The following FBXL13 variants were observed in gnomAD, a reference collection of about 807,000 sequenced individuals.
The protein encoded by FBXL13 is F-box and leucine rich repeat protein 13, also known as F-box and leucine-rich repeat protein 13.
In FBXL13, 67 loss-of-function variants were observed where a neutral mutation model predicts 83.6. The observed-to-expected ratio is 0.80, with a 90% CI of 0.66 to 0.98. The LOEUF (loss-of-function observed/expected upper bound fraction) is 0.98, where lower values mean the gene tolerates loss of function less well. FBXL13 is among the 50% of genes least tolerant of loss of function. The probability of loss-of-function intolerance (pLI) is 0.00; values close to 1 mark genes in which losing one functional copy is unlikely to be tolerated. For synonymous variants in FBXL13, 272 were observed against 299.5 expected, an observed-to-expected ratio of 0.91 and a Z score of 0.95; for missense variants, 822 against 866.5, an observed-to-expected ratio of 0.95 and a Z score of 0.64.
chr7:102,910,355 G>T (rs1455583496), intron 11 of FBXL13, among the ~76,000 whole-genome samples: 2 of 151,924 alleles, frequency 1.3e-5, no homozygotes, highest in Non-Finnish European at 2.9e-5. Context: ...CTGATTTTTG[G>T]TTCTTATGAA....
intron 9 of FBXL13, 56 bp downstream of exon 10, chr7:102,931,825 C>A: frequency 1.3e-6 from 2 of 1,522,106 alleles, no homozygotes; most frequent in Middle Eastern, 1.7e-4. Context: ...TATTGGCACC[C>A]CAATGTAGCA....
intron 18 of FBXL13, among the ~76,000 whole-genome samples, chr7:102,830,410 A>G (rs1000494154): frequency 9.2e-5 from 14 of 152,194 alleles, no homozygotes; most frequent in Non-Finnish European, 1.6e-4. Flanking sequence ...GAACGCAAGA[A>G]TCTCTGTGAA....
Position 103,012,885 on chromosome 7 carries a change from T to C in FBXL13, c.495+12178A>G, listed in dbSNP as rs138313066. On this transcript the variant is annotated intron_variant, in intron 6 of 19. Transcript: ENST00000313221. ...GAAAGCAAAACCCAATGGTATACTGTCTTAAAGAGACCCATCTCACATGCA... is the reference window on the plus strand; with the variant it reads ...GAAAGCAAAACCCAATGGTATACTGCCTTAAAGAGACCCATCTCACATGCA... Among the ~76,000 whole-genome samples, 731 of 152,298 alleles carry C rather than the reference T, an allele frequency of 4.8e-3. 6 individuals are homozygous for C. Among genetic ancestry groups the C allele is most frequent in the African/African-American group, 0.017 (691 of 41,558 alleles).
At chr7:102,867,845 T>C (rs1807973034) in intron 16 of FBXL13, among the ~76,000 whole-genome samples, 1 of 150,824 alleles carries the variant, frequency 6.6e-6, no homozygotes, top group South Asian at 2.1e-4. Flanking sequence ...GGACTACAGG[T>C]GCCTGCCACC....
intron 6 of FBXL13, among the ~76,000 whole-genome samples, chr7:103,008,701 G>A (rs982564025): frequency 3.3e-5 from 5 of 152,022 alleles, no homozygotes; most frequent in African/African-American, 1.2e-4. Flanking sequence ...GGGACTATAG[G>A]TGCACACCAA....
At position 102,964,404 on chromosome 7, in the gene FBXL13, A is replaced by ATATATATATATATATATTTTTTTTTT. The variant is rs796873670; in HGVS notation, c.592-740_592-739insAAAAAAAAAATATATATATATATATA. 8.7e-4 allele frequency among the ~76,000 whole-genome samples: 124 copies of ATATATATATATATATATTTTTTTTTT among 143,218 alleles called. 2 individuals carry two copies. The highest frequency in any genetic ancestry group is 3.2e-3 in the African/African-American group (122 of 37,770). The allele number at this position is 143,218 out of a possible 152,430, so 94.0% of individuals were successfully genotyped here. Reference sequence around the variant, plus strand: ...CAATTTTGTGACTATATATATATATATTTTTTTTTTTTTTTCCAGACTGAG... The same window carrying ATATATATATATATATATTTTTTTTTT: ...CAATTTTGTGACTATATATATATATATATATATATATATATATTTTTTTTTTTTTTTTTTTTTTTTTCCAGACTGAG... On this transcript the variant is annotated intron_variant, in intron 7 of 19. Coordinates refer to ENST00000313221, the Ensembl canonical transcript of FBXL13.
At chr7:102,995,422 A>C (rs1225046283) in intron 6 of FBXL13, among the ~76,000 whole-genome samples, 2 of 141,752 alleles carry the variant, frequency 1.4e-5, no homozygotes, top group Non-Finnish European at 1.5e-5. Context: ...CGGAGCTTGC[A>C]GTGAGCTGAG....
At chr7:103,007,770 A>G (rs1386727287) in intron 6 of FBXL13, among the ~76,000 whole-genome samples, 1 of 152,004 alleles carries the variant, frequency 6.6e-6, no homozygotes, top group Non-Finnish European at 1.5e-5. Context: ...TACAGTCATT[A>G]GATTGGGCCA....
chr7:102,961,415 G>A (rs1445163270), intron 8 of FBXL13, among the ~76,000 whole-genome samples: 10 of 150,420 alleles, frequency 6.6e-5, no homozygotes, highest in African/African-American at 2.2e-4. Flanking sequence ...ACTGCCCAAG[G>A]TAATTTACAG....
intron 16 of FBXL13, among the ~76,000 whole-genome samples, chr7:102,863,731 T>C (rs1025816077): frequency 6.6e-6 from 1 of 152,148 alleles, no homozygotes; most frequent in Admixed American, 6.5e-5. Flanking sequence ...CTAGTACTAG[T>C]ATTAAACATG....
Position 102,861,969 on chromosome 7 carries a change from G to A in FBXL13, c.1636-7109C>T, listed in dbSNP as rs184797454. 8.2e-3 allele frequency among the ~76,000 whole-genome samples: 1,121 copies of A among 137,208 alleles called. 8 individuals are homozygous for A. The highest frequency in any genetic ancestry group is 0.017 in the South Asian group (72 of 4,144). 90.0% of individuals were successfully genotyped at this position (137,208 alleles called of 152,430 possible). A position where few individuals can be genotyped will look rare whatever the true frequency, so the allele number is the denominator to read the frequency against. On this transcript the variant is annotated intron_variant, in intron 16 of 19. Coordinates refer to ENST00000313221, the Ensembl canonical transcript of FBXL13. ...TGCACTCCAGCCTGGATGACAGAGT[G>A]AGACTGTGTCTCCAAAAAAAAAAAA...
chr7:103,006,984 T>G (rs1791058708), intron 6 of FBXL13, among the ~76,000 whole-genome samples: 1 of 152,100 alleles, frequency 6.6e-6, no homozygotes, highest in Non-Finnish European at 1.5e-5. Flanking sequence ...ATCAGACACT[T>G]GCATTTAAAA....
At chr7:102,886,297 G>A (rs576082448) in intron 11 of FBXL13, among the ~76,000 whole-genome samples, 2 of 152,310 alleles carry the variant, frequency 1.3e-5, no homozygotes, top group African/African-American at 4.8e-5. Context: ...ATCTCCAGAA[G>A]AGTATGACAG....
At chr7:102,942,385 C>A in intron 8 of FBXL13, 4 of 1,459,022 alleles carry the variant, frequency 2.7e-6, no homozygotes, top group South Asian at 1.3e-5. Context: ...CTTTAAAAGA[C>A]GTGAATAACA....
intron 8 of FBXL13, among the ~76,000 whole-genome samples, chr7:102,957,309 T>C (rs1563148425): frequency 6.6e-6 from 1 of 152,152 alleles, no homozygotes; most frequent in Non-Finnish European, 1.5e-5. Flanking sequence ...TAATAAATAA[T>C]GCTGGGAAAA....
At chr7:103,045,019 TG>T (rs1457323922) in intron 2 of FBXL13, among the ~76,000 whole-genome samples, 21 of 152,342 alleles carry the variant, frequency 1.4e-4, no homozygotes, top group Middle Eastern at 3.4e-3. Context: ...AATTGAGCAA[TG>T]AATAATTTGT....
At chr7:102,848,491 G>A (rs1223770915) in intron 17 of FBXL13, among the ~76,000 whole-genome samples, 4 of 52,404 alleles carry the variant, frequency 7.6e-5, no homozygotes, top group African/African-American at 3.5e-4. Flanking sequence ...AAGAGGCGGA[G>A]CTTGCAGTGA....
chr7:102,871,867 C>A (rs907936718), intron 16 of FBXL13, among the ~76,000 whole-genome samples: 2 of 152,122 alleles, frequency 1.3e-5, no homozygotes, highest in Non-Finnish European at 2.9e-5. Context: ...TGACCTAGTT[C>A]AAGAACTCCT....
chr7:103,070,090 A>G (rs1798797161), intron 1 of FBXL13, among the ~76,000 whole-genome samples: 1 of 152,146 alleles, frequency 6.6e-6, no homozygotes, highest in South Asian at 2.1e-4. Context: ...AAAAAAAAAA[A>G]AAAAAAGAAA....
Sources: gnomAD v4.1 joint callset for allele counts (sites outside exome capture counted in the v4.1 genomes callset) on GRCh38, gnomAD v4.1.1 for gene constraint, MANE v1.5 for transcripts, NCBI Gene and HGNC (gene_info 2026-07-23, HGNC 2026-07-21) for gene names.